The following CARMIL1 variants were observed in gnomAD, a reference collection of about 807,000 sequenced individuals.
The protein encoded by CARMIL1 is capping protein regulator and myosin 1 linker 1, also known as F-actin-uncapping protein LRRC16A.
CARMIL1 carries 90 observed loss-of-function variants against 177.1 expected under a neutral mutation model. That is an observed-to-expected ratio of 0.51 (90% CI 0.43 to 0.61). The LOEUF is 0.61. CARMIL1 is among the 20% of genes least tolerant of loss of function. CARMIL1 has a pLI of 0.00. For synonymous variants in CARMIL1, 577 were observed against 606.2 expected (o/e 0.95, Z 0.71); for missense variants, 1,380 against 1,667.0 (o/e 0.83, Z 3.00).
Position 25,280,905 on chromosome 6 carries a change from A to G in CARMIL1, c.40+1070A>G, listed in dbSNP as rs543326921. Among the ~76,000 whole-genome samples, 15 of 152,164 alleles carry G rather than the reference A, an allele frequency of 9.9e-5. No homozygotes were observed. In the East Asian group the frequency reaches 2.9e-3, roughly 30 times the overall value. On this transcript the variant is annotated intron_variant, in intron 1 of 36. Transcript: ENST00000329474. ...AAGTTCTGAGCACCCGTTGATCTCC[A>G]TGTGTGGAATTTGCCCCTCTGTTGT...
intron 29 of CARMIL1, among the ~76,000 whole-genome samples, chr6:25,578,844 A>G (rs948001966): frequency 2.0e-4 from 30 of 152,148 alleles, no homozygotes; most frequent in African/African-American, 6.8e-4. Context: ...AGCAAGTAAA[A>G]TACATTAGAG....
chr6:25,331,658 A>G (rs538836891), intron 2 of CARMIL1, among the ~76,000 whole-genome samples: 6 of 152,322 alleles, frequency 3.9e-5, no homozygotes, highest in Non-Finnish European at 8.8e-5. Context: ...CCGTCCCCCA[A>G]GGGAGCCGAA....
intron 5 of CARMIL1, among the ~76,000 whole-genome samples, chr6:25,448,294 A>T (rs1301585681): frequency 6.6e-6 from 1 of 152,112 alleles, no homozygotes; most frequent in Non-Finnish European, 1.5e-5. Context: ...TTGACCTGTG[A>T]GGCGCACCAT....
intron 29 of CARMIL1, among the ~76,000 whole-genome samples, chr6:25,573,796 G>C (rs890203822): frequency 6.6e-6 from 1 of 151,980 alleles, no homozygotes; most frequent in Non-Finnish European, 1.5e-5. Flanking sequence ...CTGATAGAGT[G>C]AATTCTATTA....
chr6:25,443,183 A>G (rs1797931330), intron 5 of CARMIL1, among the ~76,000 whole-genome samples: 1 of 152,222 alleles, frequency 6.6e-6, no homozygotes, highest in Non-Finnish European at 1.5e-5. Flanking sequence ...ATTGAGTTGA[A>G]TAATGGCTGT....
At chr6:25,327,196 G>C (rs1785203172) in intron 2 of CARMIL1, among the ~76,000 whole-genome samples, 1 of 152,082 alleles carries the variant, frequency 6.6e-6, no homozygotes, top group Non-Finnish European at 1.5e-5. Context: ...GAGGGTGCAA[G>C]AGCGGGCAAA....
chr6:25,493,552 G>A (rs926429088), intron 15 of CARMIL1, among the ~76,000 whole-genome samples: 2 of 152,172 alleles, frequency 1.3e-5, no homozygotes, highest in Admixed American at 1.3e-4. Flanking sequence ...AGGAGGCAGA[G>A]CAGCCTCCTA....
intron 5 of CARMIL1, among the ~76,000 whole-genome samples, chr6:25,448,916 C>CTT (rs36000360): frequency 0.096 from 12,122 of 126,390 alleles, 678 homozygotes; most frequent in Middle Eastern, 0.15. Context: ...AGGGATTCTT[C>CTT]TTTTTTTTTT....
chr6:25,592,046 T>TG (rs781468623), intron 31 of CARMIL1, among the ~76,000 whole-genome samples: 1 of 152,162 alleles, frequency 6.6e-6, no homozygotes, highest in African/African-American at 2.4e-5. Context: ...TTTGTTTTTT[T>TG]TTTGTTTGTT....
intron 20 of CARMIL1, among the ~76,000 whole-genome samples, chr6:25,511,259 G>A (rs1285763309): frequency 6.6e-6 from 1 of 151,970 alleles, no homozygotes; most frequent in Non-Finnish European, 1.5e-5. Flanking sequence ...ATCCCCTTTC[G>A]TTGCTCCTGA....
intron 2 of CARMIL1, among the ~76,000 whole-genome samples, chr6:25,409,935 C>A (rs1794758482): frequency 6.6e-6 from 1 of 152,176 alleles, no homozygotes; most frequent in African/African-American, 2.4e-5. Context: ...AGAAGCACCG[C>A]TGTAAATTAT....
At chr6:25,590,434 G>GT (rs1349568980) in intron 31 of CARMIL1, among the ~76,000 whole-genome samples, 2 of 151,988 alleles carry the variant, frequency 1.3e-5, no homozygotes, top group African/African-American at 4.8e-5. Context: ...GACTTAACAT[G>GT]TTTATTTTTC....
intron 12 of CARMIL1, among the ~76,000 whole-genome samples, chr6:25,486,035 C>G (rs950983709): frequency 6.6e-6 from 1 of 151,892 alleles, no homozygotes; most frequent in East Asian, 1.9e-4. Flanking sequence ...GGATTTCTAG[C>G]AAATGTCCTG....
intron 2 of CARMIL1, among the ~76,000 whole-genome samples, chr6:25,337,156 T>G (rs976196288): frequency 3.3e-5 from 5 of 152,222 alleles, no homozygotes; most frequent in African/African-American, 1.2e-4. Flanking sequence ...AAAGTAGAGA[T>G]AGCCAAATGC....
At chr6:25,485,960 T>C (rs1017678174) in intron 12 of CARMIL1, among the ~76,000 whole-genome samples, 1 of 151,498 alleles carries the variant, frequency 6.6e-6, no homozygotes, top group African/African-American at 2.4e-5. Flanking sequence ...AAACTCCCCA[T>C]GACATCACCA....
intron 17 of CARMIL1, among the ~76,000 whole-genome samples, chr6:25,508,273 C>T (rs188630044): frequency 2.0e-5 from 3 of 152,294 alleles, no homozygotes; most frequent in Admixed American, 2.0e-4. Context: ...GCTTCACACA[C>T]AGGTTAGAAG....
chr6:25,589,843 T>A (rs893902234), intron 31 of CARMIL1, among the ~76,000 whole-genome samples: 4 of 152,188 alleles, frequency 2.6e-5, no homozygotes, highest in Admixed American at 2.0e-4. Context: ...ACAGGTTGCA[T>A]TCACCTTTAA....
intron 29 of CARMIL1, among the ~76,000 whole-genome samples, chr6:25,570,015 C>G (rs1001577402): frequency 2.6e-5 from 4 of 151,864 alleles, no homozygotes; most frequent in Admixed American, 2.6e-4. Flanking sequence ...GCTCTGTGGC[C>G]CAGGCTGGAG....
intron 2 of CARMIL1, among the ~76,000 whole-genome samples, chr6:25,414,882 G>A (rs1182961187): frequency 6.6e-6 from 1 of 152,100 alleles, no homozygotes. Flanking sequence ...TTCCTTCAAA[G>A]CCTGGGCTCC....
Sources: gnomAD v4.1 joint callset for allele counts (sites outside exome capture counted in the v4.1 genomes callset) on GRCh38, gnomAD v4.1.1 for gene constraint, MANE v1.5 for transcripts, NCBI Gene and HGNC (gene_info 2026-07-23, HGNC 2026-07-21) for gene names.